GPS2: variants seen among roughly 807,000 people sequenced by gnomAD.
GPS2 encodes G protein pathway suppressor 2.
Under a neutral mutation model 48.1 loss-of-function variants are expected in GPS2, and 22 were observed. That is an observed-to-expected ratio of 0.46 (90% CI 0.33 to 0.65). The LOEUF (loss-of-function observed/expected upper bound fraction) is 0.65, where lower values mean the gene tolerates loss of function less well. Among genes scored for constraint, GPS2 ranks in the 30% least tolerant of loss-of-function variants. The pLI, the probability that GPS2 is intolerant of heterozygous loss-of-function variation, is 0.03. For synonymous variants in GPS2, 202 were observed against 142.5 expected, an observed-to-expected ratio of 1.42 and a Z score of -2.98; for missense variants, 366 against 406.8, an observed-to-expected ratio of 0.90 and a Z score of 0.86.
At position 7,313,065 on chromosome 17, in the gene GPS2, G is replaced by A; in HGVS notation, c.864C>T (p.Ser288=). ...ALHPAPGLLA[S]PQLPVQMQPA... Reference sequence around the variant, plus strand: ...GCTGCATCTGCACAGGGAGCTGGGGGGAAGCAAGGAGTCCAGGGGCTGGAT... The same window carrying A: ...GCTGCATCTGCACAGGGAGCTGGGGAGAAGCAAGGAGTCCAGGGGCTGGAT... Residue 288 remains serine, a synonymous_variant, in exon 10 of 11, where the codon TCC becomes TCT. Coordinates refer to ENST00000380728, the MANE Select transcript of GPS2 (RefSeq NM_004489.5). The A allele has an allele frequency of 6.4e-7, 1 of 1,559,332 alleles. No homozygotes were observed. The highest frequency in any genetic ancestry group is 8.7e-7 in the Non-Finnish European group (1 of 1,151,138).
Position 7,312,820 on chromosome 17 carries a change from C to T in GPS2, c.920G>A (p.Ser307Asn), listed in dbSNP as rs757816191. 65 of 1,613,904 alleles carry T rather than the reference C, an allele frequency of 4.0e-5. No individual in the cohort carries two copies. In the Middle Eastern group the frequency reaches 6.6e-4, roughly 16 times the overall value. ...PAGKSGFAAT[S>N]QPGPRLPFIQ... ...GAAGGGGAGCCGAGGGCCAGGTTGG[C>T]TGGTAGCTGCAAAGCCCGACTGGTG... The change falls in exon 11 of 11, where the codon AGC (serine) becomes AAC (asparagine). Residue 307 changes from serine (S) to asparagine (N), a missense_variant. This residue lies in a region of GPS2 where 275 missense variants were observed against 282.3 expected (regional missense o/e 0.97). Transcript: ENST00000380728.
chr17:7,315,130 G>T lies in GPS2; in HGVS notation c.-67-11C>A. On this transcript the variant is annotated splice_polypyrimidine_tract_variant and intron_variant, in intron 1 of 10. Transcript: ENST00000380728. The stretch of plus-strand genomic sequence containing the variant: ...GACCTCAGACGGGGCCTGCGGGGAG[G>T]CGGGCGCTCAGAGGGGGCCGCGCCC... 8.4e-7 allele frequency: 1 copy of T among 1,197,020 alleles called. No individual in the cohort carries two copies. Among genetic ancestry groups the T allele is most frequent in the Non-Finnish European group, 1.1e-6 (1 of 894,930 alleles). 74.1% of individuals were successfully genotyped at this position (1,197,020 alleles called of 1,614,324 possible).
Position 7,313,295 on chromosome 17 carries a change from G to C in GPS2, c.725-4C>G. On this transcript the variant is annotated splice_polypyrimidine_tract_variant and splice_region_variant and intron_variant, in intron 8 of 10. Coordinates refer to ENST00000380728, the MANE Select transcript of GPS2 (RefSeq NM_004489.5). The stretch of plus-strand genomic sequence containing the variant: ...GCACCACCAGGCTGGAGGAAACCTA[G>C]GTGGGGAAGAGGGGCATGTGAGATG... 1 of 1,613,968 alleles carries C rather than the reference G, an allele frequency of 6.2e-7. No homozygotes were observed. The highest frequency in any genetic ancestry group is 8.5e-7 in the Non-Finnish European group (1 of 1,179,808).
chr17:7,313,181 T>C (rs1567615363), intron 9 of GPS2, 31 bp downstream of exon 9: 2 of 1,611,114 alleles, frequency 1.2e-6, no homozygotes, highest in Admixed American at 3.3e-5. Context: ...AACATATCCC[T>C]AACCCTGACC....
Position 7,313,170 on chromosome 17 carries a change from TA to T in GPS2, c.804+41del, listed in dbSNP as rs752509319. On this transcript the variant is annotated intron_variant, in intron 9 of 10. Coordinates refer to ENST00000380728, the MANE Select transcript of GPS2 (RefSeq NM_004489.5). ...GCCTGAGGCATACTGAAGCTCCCCT[TA>T]ACATATCCCTAACCCTGACCTCCCA... is the stretch of plus-strand genomic sequence containing the variant. 3 of 1,609,356 alleles carry T rather than the reference TA, an allele frequency of 1.9e-6. No individual in the cohort carries two copies. The Admixed American group carries it at 5.0e-5, about 27-fold the overall frequency.
Position 7,315,126 on chromosome 17 carries a change from G to T in GPS2, c.-67-7C>A. The T allele has an allele frequency of 1.6e-6, 2 of 1,217,138 alleles. No individual in the cohort carries two copies. Among genetic ancestry groups the T allele is most frequent in the Non-Finnish European group, 2.2e-6 (2 of 910,004 alleles). The allele number at this position is 1,217,138 out of a possible 1,614,324, so 75.4% of individuals were successfully genotyped here. On this transcript the variant is annotated splice_polypyrimidine_tract_variant and splice_region_variant and intron_variant, in intron 1 of 10. Transcript: ENST00000380728. ...GCCAGACCTCAGACGGGGCCTGCGG[G>T]GAGGCGGGCGCTCAGAGGGGGCCGC...
Position 7,312,776 on chromosome 17 carries a change from G to T in GPS2, c.964C>A (p.Pro322Thr). 6.2e-7 allele frequency: 1 copy of T among 1,614,002 alleles called. No homozygotes were observed. Among genetic ancestry groups the T allele is most frequent in the Non-Finnish European group, 8.5e-7 (1 of 1,179,868 alleles). ...RLPFIQHSQN[P>T]RFYHK ...GATGGTCACTTGTGGTAGAATCGCG[G>T]GTTCTGGCTGTGTTGGATGAAGGGG... The change falls in exon 11 of 11, where the codon CCG becomes ACG. Residue 322 changes from proline (P) to threonine (T), a missense_variant. Coordinates refer to ENST00000380728, the MANE Select transcript of GPS2 (RefSeq NM_004489.5).
chr17:7,315,156 G>A (rs2072921794), intron 1 of GPS2, 37 bp from the exon 2 acceptor site: 2 of 769,846 alleles, frequency 2.6e-6, no homozygotes, highest in South Asian at 2.4e-5. Context: ...GGCCGCGCCC[G>A]GCCCAGGCGG....
chr17:7,312,961 A>G (rs1318088925), intron 10 of GPS2, 68 bp downstream of exon 10: 1 of 1,464,070 alleles, frequency 6.8e-7, no homozygotes, highest in Non-Finnish European at 9.4e-7. Flanking sequence ...CACCTGTCCT[A>G]CCTAATCCTG....
intron 6 of GPS2, 27 bp downstream of exon 6, chr17:7,313,879 G>A (rs755157162): frequency 4.4e-6 from 7 of 1,597,584 alleles, no homozygotes; most frequent in Middle Eastern, 1.7e-4. Context: ...GAAGTACTAG[G>A]GGCTAGGCAT....
At position 7,313,133 on chromosome 17, in the gene GPS2, AAC is replaced by A. The variant is rs1555538160; in HGVS notation, c.805-11_805-10del. 1.2e-6 allele frequency: 2 copies of A among 1,608,270 alleles called. No homozygotes were observed. The highest frequency in any genetic ancestry group is 1.7e-6 in the Non-Finnish European group (2 of 1,175,554). On this transcript the variant is annotated splice_polypyrimidine_tract_variant and intron_variant, in intron 9 of 10. Coordinates refer to ENST00000380728, the MANE Select transcript of GPS2 (RefSeq NM_004489.5). ...ATGGGGCGCAGAGAGGACTGCAGAGAACAGAGTCAGGGCCTGAGGCATACTGA... is the reference window on the plus strand; with the variant it reads ...ATGGGGCGCAGAGAGGACTGCAGAGAAGAGTCAGGGCCTGAGGCATACTGA...
chr17:7,312,727 G>GGT lies in GPS2; in HGVS notation c.*27_*28dup. 1 of 1,542,370 alleles carries GGT rather than the reference G, an allele frequency of 6.5e-7. No individual in the cohort carries two copies. The highest frequency in any genetic ancestry group is 9.0e-7 in the Non-Finnish European group (1 of 1,114,540). Reference sequence around the variant, plus strand: ...TACCCTCACCCACGATGGGGTGGGGGGTGTGGTGTTGAAGATATAATCTGA... The same window carrying GGT: ...TACCCTCACCCACGATGGGGTGGGGGGTGTGTGGTGTTGAAGATATAATCTGA... On this transcript the variant is annotated 3_prime_UTR_variant, in exon 11 of 11. Transcript: ENST00000380728.
At chr17:7,312,868 G>A (rs2072879003) in intron 10 of GPS2, 29 bp from the exon 11 acceptor site, 1 of 1,595,120 alleles carries the variant, frequency 6.3e-7, no homozygotes, top group South Asian at 1.1e-5. Flanking sequence ...AGAGGGCTTT[G>A]TCACTGGGCA....
intron 2 of GPS2, 132 bp downstream of exon 2, chr17:7,314,827 C>T (rs2072916092): frequency 1.2e-5 from 16 of 1,306,682 alleles, no homozygotes; most frequent in Middle Eastern, 2.5e-4. Flanking sequence ...TTAAATCCCA[C>T]CACAACGGGG....
intron 6 of GPS2, 81 bp downstream of exon 6, chr17:7,313,825 G>T (rs146538110): frequency 1.9e-6 from 3 of 1,565,338 alleles, no homozygotes; most frequent in Non-Finnish European, 2.6e-6. Flanking sequence ...TTAAGTGCTT[G>T]ATATGTTTGT....
In GPS2 at chr17:7,314,832, A is replaced by G. The variant is rs951072981; in HGVS notation, c.94+127T>C. On this transcript the variant is annotated intron_variant, in intron 2 of 10. Coordinates refer to ENST00000380728, the MANE Select transcript of GPS2 (RefSeq NM_004489.5). ...AACAGGACGCTTAAATCCCACCACA[A>G]CGGGGCTATTCCTTCCCTCCTCTGC... The G allele has an allele frequency of 6.2e-6, 8 of 1,299,352 alleles. No homozygotes were observed. The African/African-American group carries it at 1.0e-4, about 17-fold the overall frequency. The allele number at this position is 1,299,352 out of a possible 1,614,324, so 80.5% of individuals were successfully genotyped here.
chr17:7,313,847 T>C, intron 6 of GPS2, 59 bp downstream of exon 6: 2 of 1,570,670 alleles, frequency 1.3e-6, no homozygotes, highest in Non-Finnish European at 1.8e-6. Flanking sequence ...ACTTGAATAC[T>C]GGTGGCAAGG....
intron 2 of GPS2, 29 bp from the exon 3 acceptor site, chr17:7,314,626 G>T (rs764710703): frequency 1.3e-5 from 21 of 1,613,526 alleles, no homozygotes; most frequent in Non-Finnish European, 1.8e-5. Flanking sequence ...TGAAGAAGAG[G>T]CAGGGTAGTG....
In GPS2 at chr17:7,313,696, G is replaced by A. The variant is rs1236166735; in HGVS notation, c.506C>T (p.Ala169Val). The A allele has an allele frequency of 6.2e-7, 1 of 1,614,190 alleles. No individual in the cohort carries two copies. Among genetic ancestry groups the A allele is most frequent in the Non-Finnish European group, 8.5e-7 (1 of 1,180,026 alleles). Residue 169 changes from alanine to valine, a missense_variant, in exon 7 of 11, where the codon GCT (alanine) becomes GTT (valine). This residue lies in a region of GPS2 where 275 missense variants were observed against 282.3 expected (regional missense o/e 0.97). Transcript: ENST00000380728. ...ATGCTCTGGTGTCCCTGCAAAAGCA[G>A]CTGCTGAGCCCACGTAGTGCCGGGT... ...LTTRHYVGSA[A>V]AFAGTPEHGQ...
Sources: allele counts gnomAD v4.1 joint callset, GRCh38; gene constraint gnomAD v4.1.1; regional missense constraint gnomAD v4.1.1; transcripts MANE v1.5; gene names NCBI Gene and HGNC (gene_info 2026-07-23, HGNC 2026-07-21).